HNRNPLL: variants seen among roughly 807,000 people sequenced by gnomAD.
HNRNPLL encodes heterogeneous nuclear ribonucleoprotein L like, also known as heterogeneous nuclear ribonucleoprotein L-like.
In HNRNPLL, 25 loss-of-function variants were observed where a neutral mutation model predicts 67.1. The observed-to-expected ratio is 0.37, with a 90% confidence interval of 0.27 to 0.52. The LOEUF (loss-of-function observed/expected upper bound fraction) is 0.52. HNRNPLL is among the 20% of genes least tolerant of loss of function. The pLI, the probability that HNRNPLL is intolerant of heterozygous loss-of-function variation, is 0.90. For synonymous variants in HNRNPLL, 267 were observed against 241.7 expected (o/e 1.10, Z -0.97); for missense variants, 542 against 673.9 (o/e 0.80, Z 2.17).
intron 7 of HNRNPLL, among the ~76,000 whole-genome samples, chr2:38,576,941 T>C (rs750854942): frequency 1.3e-5 from 2 of 151,826 alleles, no homozygotes; most frequent in Non-Finnish European, 2.9e-5. Flanking sequence ...CTTATCAACA[T>C]AGCAAAAAGT....
intron 1 of HNRNPLL, among the ~76,000 whole-genome samples, chr2:38,598,359 T>C (rs754196988): frequency 6.6e-6 from 1 of 152,116 alleles, no homozygotes; most frequent in Non-Finnish European, 1.5e-5. Context: ...GAGAATCAAG[T>C]CCCTATGACA....
Position 38,573,302 on chromosome 2 carries a change from C to T in HNRNPLL, c.1000G>A (p.Gly334Ser), listed in dbSNP as rs1666166839. Residue 334 changes from glycine to serine, a missense_variant, in exon 8 of 13, where the codon GGT becomes AGT. This residue lies in a region of HNRNPLL where 415 missense variants were observed against 575.2 expected (regional missense o/e 0.72). Transcript: ENST00000449105. ...SSYMHGGNPSGSVVMVSGLHQ... is the reference protein window; with the variant it reads ...SSYMHGGNPSSSVVMVSGLHQ... ...AATCCACTAACCATTACAACTGAAC[C>T]AGAGGGATTTCCTCCATGCATGTAA... 1 of 1,612,132 alleles carries T rather than the reference C, an allele frequency of 6.2e-7. No individual in the cohort carries two copies. The highest frequency in any genetic ancestry group is 1.1e-5 in the South Asian group (1 of 90,938).
intron 1 of HNRNPLL, among the ~76,000 whole-genome samples, chr2:38,595,294 A>AG (rs927668111): frequency 2.7e-5 from 4 of 146,606 alleles, no homozygotes; most frequent in African/African-American, 1.0e-4. Flanking sequence ...AAAAAAAAAA[A>AG]AAAGAAAAGA....
chr2:38,571,730 T>A (rs1666092696), intron 8 of HNRNPLL, among the ~76,000 whole-genome samples: 1 of 152,106 alleles, frequency 6.6e-6, no homozygotes, highest in African/African-American at 2.4e-5. Context: ...TTAGAAAAAA[T>A]TAACTATATA....
Position 38,575,235 on chromosome 2 carries a change from TA to T in HNRNPLL, c.875-1809del, listed in dbSNP as rs148338822. On this transcript the variant is annotated intron_variant, in intron 7 of 12. Coordinates refer to ENST00000449105, the MANE Select transcript of HNRNPLL (RefSeq NM_138394.4). ...AAAGTATTACCTATATTATTTAAGATAAGAAAAATCAGACGTCTTTTAAAAG... is the reference window on the plus strand; with the variant it reads ...AAAGTATTACCTATATTATTTAAGATAGAAAAATCAGACGTCTTTTAAAAG... Among the ~76,000 whole-genome samples, 1,324 of 151,852 alleles carry T rather than the reference TA, an allele frequency of 8.7e-3. 23 individuals carry two copies. Among genetic ancestry groups the T allele is most frequent in the African/African-American group, 0.031 (1,267 of 41,452 alleles).
chr2:38,587,942 C>T (rs1666798156), intron 2 of HNRNPLL, among the ~76,000 whole-genome samples: 1 of 152,042 alleles, frequency 6.6e-6, no homozygotes, highest in Non-Finnish European at 1.5e-5. Context: ...GTGTGTGACA[C>T]CTGCCCCTTT....
chr2:38,598,566 C>T (rs750620185), intron 1 of HNRNPLL, among the ~76,000 whole-genome samples: 1 of 152,160 alleles, frequency 6.6e-6, no homozygotes, highest in African/African-American at 2.4e-5. Flanking sequence ...TGATGTAGAA[C>T]CAGATTTTTA....
rs148599015 is a variant in HNRNPLL, at chr2:38,569,358, T to G, written c.1215-24A>C. ...CGCTAAAGATTGTAAAGAAAAGACA[T>G]ACAAAAGTACTTTGTTAGATAAAAA... On this transcript the variant is annotated intron_variant, in intron 9 of 12. Coordinates refer to ENST00000449105, the MANE Select transcript of HNRNPLL (RefSeq NM_138394.4). 1.2e-4 allele frequency: 175 copies of G among 1,514,844 alleles called. No individual in the cohort carries two copies. The East Asian group carries it at 3.2e-3, about 27-fold the overall frequency. The allele number at this position is 1,514,844 out of a possible 1,614,324, so 93.8% of individuals were successfully genotyped here. A position where few individuals can be genotyped will look rare whatever the true frequency, so the allele number is the denominator to read the frequency against.
rs1437690360 is a variant in HNRNPLL at position 38,582,702 on chromosome 2, C to T, written c.633-534G>A. ...TGGGAGGCTGAACCAGGTGAACAGCCTGAGCTCAGGAGTTCGAGACCAGCC... is the reference window on the plus strand; with the variant it reads ...TGGGAGGCTGAACCAGGTGAACAGCTTGAGCTCAGGAGTTCGAGACCAGCC... On this transcript the variant is annotated intron_variant, in intron 4 of 12. Transcript: ENST00000449105. Among the ~76,000 whole-genome samples the T allele has an allele frequency of 2.6e-5, 4 of 152,080 alleles. No homozygotes were observed. The South Asian group carries it at 6.2e-4, about 24-fold the overall frequency.
chr2:38,571,628 G>C (rs1183658333), intron 8 of HNRNPLL, among the ~76,000 whole-genome samples: 1 of 152,024 alleles, frequency 6.6e-6, no homozygotes, highest in Non-Finnish European at 1.5e-5. Context: ...CCTCTCCCTT[G>C]ATTTAATCCA....
chr2:38,596,911 T>C (rs1243422604), intron 1 of HNRNPLL, among the ~76,000 whole-genome samples: 1 of 152,240 alleles, frequency 6.6e-6, no homozygotes, highest in Non-Finnish European at 1.5e-5. Flanking sequence ...TTGGGTTAAC[T>C]GTAATGGCAG....
Position 38,564,169 on chromosome 2 carries a change from T to G in HNRNPLL, c.*13A>C. The G allele has an allele frequency of 1.4e-6, 2 of 1,450,716 alleles. No homozygotes were observed. Among genetic ancestry groups the G allele is most frequent in the Non-Finnish European group, 1.9e-6 (2 of 1,032,544 alleles). The allele number at this position is 1,450,716 out of a possible 1,614,324, so 89.9% of individuals were successfully genotyped here. On this transcript the variant is annotated 3_prime_UTR_variant, in exon 13 of 13. Coordinates refer to ENST00000449105, the MANE Select transcript of HNRNPLL (RefSeq NM_138394.4). ...ATAAAGGTGAACATAAATTCTAACA[T>G]GCTCTTCTCTTCTTATAAATGGGAT...
chr2:38,594,092 G>A (rs867401558), intron 1 of HNRNPLL, among the ~76,000 whole-genome samples: 24 of 141,494 alleles, frequency 1.7e-4, no homozygotes, highest in Non-Finnish European at 3.2e-4. Flanking sequence ...GGAGAATGGC[G>A]TGAACCCAGG....
At chr2:38,577,576 G>A (rs781256612) in intron 6 of HNRNPLL, 44 bp from the exon 7 acceptor site, 1 of 1,198,492 alleles carries the variant, frequency 8.3e-7, no homozygotes, top group South Asian at 1.2e-5. Context: ...TTTGACCCAA[G>A]TACTTAATGG....
At chr2:38,597,305 A>C (rs941522942) in intron 1 of HNRNPLL, among the ~76,000 whole-genome samples, 8 of 152,088 alleles carry the variant, frequency 5.3e-5, no homozygotes, top group Admixed American at 2.6e-4. Context: ...TTCTTCTGTC[A>C]CTCCTTTTAT....
rs1461068460 is a variant in HNRNPLL, at chr2:38,562,075, T to C, written c.*2107A>G. The C allele has an allele frequency of 6.6e-6, 1 of 152,206 alleles. No individual in the cohort carries two copies. Among genetic ancestry groups the C allele is most frequent in the Non-Finnish European group, 1.5e-5 (1 of 68,018 alleles). The allele number at this position is 152,206 out of a possible 1,614,324, so 9.4% of individuals were successfully genotyped here. ...AAAAACTCAAAGCTAGTATTATTTC[T>C]TTACAGTTCTTAAATCTGCTTTTTC... On this transcript the variant is annotated 3_prime_UTR_variant, in exon 13 of 13. Coordinates refer to ENST00000449105, the MANE Select transcript of HNRNPLL (RefSeq NM_138394.4).
rs556853631 is a variant in HNRNPLL, at chr2:38,574,589, A to G, written c.875-1162T>C. Among the ~76,000 whole-genome samples, 7 of 151,990 alleles carry G rather than the reference A, an allele frequency of 4.6e-5. No homozygotes were observed. In the East Asian group the frequency reaches 1.3e-3, roughly 29 times the overall value. ...AGAACTACTAAATTTTGGTATTCATAACATACTATTAGAGCTTATGGTGGA... is the reference window on the plus strand; with the variant it reads ...AGAACTACTAAATTTTGGTATTCATGACATACTATTAGAGCTTATGGTGGA... On this transcript the variant is annotated intron_variant, in intron 7 of 12. Transcript: ENST00000449105.
intron 1 of HNRNPLL, chr2:38,601,587 A>G (rs1393656386): frequency 4.6e-5 from 7 of 152,248 alleles, no homozygotes; most frequent in Admixed American, 3.3e-4. Context: ...TGCTGTGGAC[A>G]AAATGATCAC....
intron 3 of HNRNPLL, 94 bp from the exon 4 acceptor site, chr2:38,584,020 G>T: frequency 2.0e-6 from 1 of 508,034 alleles, no homozygotes; most frequent in African/African-American, 2.0e-5. Flanking sequence ...ACTATCAACT[G>T]TCAAGATGTC....
Sources: gnomAD v4.1 joint callset for allele counts (sites outside exome capture counted in the v4.1 genomes callset) on GRCh38, gnomAD v4.1.1 for gene constraint, gnomAD v4.1.1 regional missense constraint, MANE v1.5 for transcripts, NCBI Gene and HGNC (gene_info 2026-07-23, HGNC 2026-07-21) for gene names.